The following INPP4A variants were observed in gnomAD, a reference collection of about 807,000 sequenced individuals.
INPP4A encodes inositol polyphosphate-4-phosphatase type I A, also known as inositol polyphosphate-4-phosphatase, type I, 107kD.
In INPP4A, 33 loss-of-function variants were observed where a neutral mutation model predicts 119.8. That is an observed-to-expected ratio of 0.28 (90% CI 0.21 to 0.37). The LOEUF (loss-of-function observed/expected upper bound fraction) is 0.37, where lower values mean the gene tolerates loss of function less well. INPP4A is among the 10% of genes least tolerant of loss of function. INPP4A has a pLI of 1.00. For missense variants in INPP4A, 956 were observed against 1,289.9 expected (o/e 0.74, Z 3.97); for synonymous variants, 496 against 500.7 (o/e 0.99, Z 0.12).
In INPP4A at chr2:98,543,935, C is replaced by A; in HGVS notation, c.877C>A (p.Gln293Lys). 6.2e-7 allele frequency: 1 copy of A among 1,607,608 alleles called. No individual in the cohort carries two copies. The highest frequency in any genetic ancestry group is 8.5e-7 in the Non-Finnish European group (1 of 1,176,836). The part of the protein sequence containing the change: ...LSPCWESLRR[Q>K]IVTQYQTIIL... ...CCCTTGCTGGGAGAGCCTCCGGCGC[C>A]AAATTGTCACCCAGTACCAGACCAT... The change falls in exon 11 of 25, where the codon CAA (glutamine) becomes AAA (lysine). Residue 293 changes from glutamine (Q) to lysine (K), a missense_variant. By Grantham distance (53) the Gln-to-Lys change is moderately conservative. This residue lies in a region of INPP4A where 652 missense variants were observed against 797.9 expected (regional missense o/e 0.82). Coordinates refer to ENST00000409851, the MANE Select transcript of INPP4A (RefSeq NM_001134225.2).
intron 24 of INPP4A, among the ~76,000 whole-genome samples, chr2:98,585,161 C>T (rs1174776953): frequency 6.6e-6 from 1 of 152,110 alleles, no homozygotes; most frequent in Non-Finnish European, 1.5e-5. Flanking sequence ...GGCTTGATTC[C>T]AGCAGAGATT....
At chr2:98,499,071 A>G (rs1303849307) in intron 1 of INPP4A, among the ~76,000 whole-genome samples, 1 of 152,242 alleles carries the variant, frequency 6.6e-6, no homozygotes, top group Non-Finnish European at 1.5e-5. Context: ...GGAACTAGGA[A>G]AGCAGTCCCA....
intron 1 of INPP4A, among the ~76,000 whole-genome samples, chr2:98,462,827 C>A (rs1673868988): frequency 6.6e-6 from 1 of 152,040 alleles, no homozygotes; most frequent in Admixed American, 6.5e-5. Context: ...AGCCAACACA[C>A]AGACATTTTA....
chr2:98,475,316 C>T (rs1037969804), intron 1 of INPP4A, among the ~76,000 whole-genome samples: 2 of 152,074 alleles, frequency 1.3e-5, no homozygotes, highest in African/African-American at 4.8e-5. Context: ...TGCCGAGAGC[C>T]ACAGAGGGGA....
intron 10 of INPP4A, among the ~76,000 whole-genome samples, chr2:98,541,314 G>C (rs1017162154): frequency 8.7e-5 from 13 of 148,906 alleles, no homozygotes; most frequent in Admixed American, 2.0e-4. Context: ...GTGACAGAGC[G>C]AGACTCCGTC....
intron 1 of INPP4A, among the ~76,000 whole-genome samples, chr2:98,473,101 G>A (rs1676410633): frequency 6.6e-6 from 1 of 151,090 alleles, no homozygotes; most frequent in South Asian, 2.1e-4. Context: ...GGCAGTGCGG[G>A]TGCAGTGTAG....
intron 24 of INPP4A, among the ~76,000 whole-genome samples, chr2:98,585,298 C>T (rs1699829830): frequency 2.6e-5 from 4 of 152,066 alleles, no homozygotes; most frequent in Admixed American, 6.5e-5. Flanking sequence ...CCACTGGAAC[C>T]GGAAAACTAG....
rs146730008 is a variant in INPP4A, at chr2:98,508,772, G to A, written c.-165-10192G>A. On this transcript the variant is annotated intron_variant, in intron 1 of 24. Transcript: ENST00000409851. The stretch of plus-strand genomic sequence containing the variant: ...CTTGCCTGTTGTAGGAGAGAGAACC[G>A]CGCTGCTCCTGGTGCACGCTGACTG... Among the ~76,000 whole-genome samples, 62 of 152,328 alleles carry A rather than the reference G, an allele frequency of 4.1e-4. 1 individual carries two copies. The highest frequency in any genetic ancestry group is 1.3e-3 in the African/African-American group (54 of 41,564).
At chr2:98,472,552 G>A (rs1020435507) in intron 1 of INPP4A, among the ~76,000 whole-genome samples, 1 of 152,214 alleles carries the variant, frequency 6.6e-6, no homozygotes, top group Admixed American at 6.5e-5. Flanking sequence ...TCTCTGTCAT[G>A]CAGCTGTTCT....
chr2:98,565,732 T>C lies in INPP4A; in HGVS notation c.2245T>C (p.Ser749Pro). The C allele has an allele frequency of 6.2e-7, 1 of 1,613,288 alleles. No individual in the cohort carries two copies. Among genetic ancestry groups the C allele is most frequent in the Non-Finnish European group, 8.5e-7 (1 of 1,179,608 alleles). The stretch of plus-strand genomic sequence containing the variant: ...AGTCACTCAGGCCACTTCCAGCGCC[T>C]CCGCAGACATGCTGCCCGTCATCAC... ...FKVTQATSSA[S>P]ADMLPVITGN... The change falls in exon 20 of 25, where the codon TCC (serine) becomes CCC (proline). Residue 749 changes from serine (S) to proline (P), a missense_variant. By Grantham distance (74) the Ser-to-Pro change is moderately conservative. Around this residue, in one of 2 missense-constraint regions of INPP4A, gnomAD observed 304 missense variants for 492.1 expected, o/e 0.62. Transcript: ENST00000409851.
chr2:98,589,251 G>A lies in INPP4A; in HGVS notation c.*1643G>A, dbSNP rs535355885. On this transcript the variant is annotated 3_prime_UTR_variant, in exon 25 of 25. Transcript: ENST00000409851. Reference sequence around the variant, plus strand: ...TGCCCGCCAAACCCACTGCACAGGTGGCTGCTGCTGGTATCAGATTCTCCT... The same window carrying A: ...TGCCCGCCAAACCCACTGCACAGGTAGCTGCTGCTGGTATCAGATTCTCCT... 20 of 183,464 alleles carry A rather than the reference G, an allele frequency of 1.1e-4. No homozygotes were observed. The highest frequency in any genetic ancestry group is 4.7e-4 in the African/African-American group (20 of 42,658). 11.4% of individuals were successfully genotyped at this position (183,464 alleles called of 1,614,324 possible).
intron 1 of INPP4A, among the ~76,000 whole-genome samples, chr2:98,451,651 A>C (rs1026042992): frequency 6.6e-6 from 1 of 152,116 alleles, no homozygotes; most frequent in African/African-American, 2.4e-5. Flanking sequence ...AGGTGGTGTC[A>C]GCTGCTGTTA....
At chr2:98,585,115 T>C (rs1699812587) in intron 24 of INPP4A, among the ~76,000 whole-genome samples, 1 of 152,188 alleles carries the variant, frequency 6.6e-6, no homozygotes, top group South Asian at 2.1e-4. Context: ...TGTATAAGTT[T>C]TTTCAACTAG....
chr2:98,511,810 C>T (rs1467038027), intron 1 of INPP4A, among the ~76,000 whole-genome samples: 2 of 152,178 alleles, frequency 1.3e-5, no homozygotes, highest in Admixed American at 1.3e-4. Flanking sequence ...GCCTGGGCTC[C>T]CCTCCCCCAT....
chr2:98,547,076 A>G (rs1692612988), intron 13 of INPP4A, among the ~76,000 whole-genome samples: 1 of 152,220 alleles, frequency 6.6e-6, no homozygotes, highest in South Asian at 2.1e-4. Flanking sequence ...AGTGGTAAAC[A>G]TTCCCAGTTT....
intron 1 of INPP4A, among the ~76,000 whole-genome samples, chr2:98,460,959 G>C (rs1161114144): frequency 1.3e-5 from 2 of 152,206 alleles, no homozygotes; most frequent in Non-Finnish European, 2.9e-5. Flanking sequence ...CTGGTTTCTA[G>C]AAATGGTATT....
intron 24 of INPP4A, chr2:98,581,534 CT>C: frequency 6.7e-7 from 1 of 1,482,640 alleles, no homozygotes; most frequent in Non-Finnish European, 8.9e-7. Context: ...CTTTCCTTTC[CT>C]TTTTCCTTTT....
chr2:98,452,538 C>G (rs1011552982), intron 1 of INPP4A, among the ~76,000 whole-genome samples: 3 of 152,178 alleles, frequency 2.0e-5, no homozygotes, highest in African/African-American at 7.2e-5. Context: ...AGGTTAGGTC[C>G]TAGAATAGCA....
chr2:98,530,414 C>T (rs576594143), intron 4 of INPP4A, among the ~76,000 whole-genome samples: 1 of 152,178 alleles, frequency 6.6e-6, no homozygotes, highest in South Asian at 2.1e-4. Context: ...GCAGGGATTG[C>T]TTTCTAGGGT....
Sources: allele counts gnomAD v4.1 joint callset (sites outside exome capture counted in the v4.1 genomes callset), GRCh38; gene constraint gnomAD v4.1.1; regional missense constraint gnomAD v4.1.1; transcripts MANE v1.5; gene names NCBI Gene and HGNC (gene_info 2026-07-23, HGNC 2026-07-21).